The following NRXN3 variants were observed in gnomAD, a reference collection of about 807,000 sequenced individuals.
The protein encoded by NRXN3 is neurexin III.
In NRXN3, 32 loss-of-function variants were observed where a neutral mutation model predicts 137.6. The ratio of observed to expected loss-of-function variants is 0.23; its 90% CI spans 0.18 to 0.31. NRXN3 has a LOEUF of 0.31. Among genes scored for constraint, NRXN3 ranks in the 10% least tolerant of loss-of-function variants. The pLI is 1.00. For missense variants in NRXN3, 1,574 were observed against 2,062.5 expected (o/e 0.76, Z 4.59); for synonymous variants, 798 against 784.5 (o/e 1.02, Z -0.29).
At chr14:79,327,519 A>T (rs1030940458) in intron 15 of NRXN3, among the ~76,000 whole-genome samples, 1 of 152,068 alleles carries the variant, frequency 6.6e-6, no homozygotes, top group Non-Finnish European at 1.5e-5. Context: ...GAATTAGCAC[A>T]TTCCCCCACA....
Position 79,456,869 on chromosome 14 carries a change from T to G in NRXN3, c.3263-10352T>G, listed in dbSNP as rs190050768. ...CTAGGTATTTTAAAAATGATAAGAT[T>G]TTTCTCTCTGTGGCCAGATCTAAAT... On this transcript the variant is annotated intron_variant, in intron 15 of 20. Transcript: ENST00000335750. Among the ~76,000 whole-genome samples, 672 of 152,046 alleles carry G rather than the reference T, an allele frequency of 4.4e-3. 7 individuals carry two copies. Among genetic ancestry groups the G allele is most frequent in the African/African-American group, 0.015 (617 of 41,468 alleles).
intron 15 of NRXN3, among the ~76,000 whole-genome samples, chr14:79,320,602 T>G (rs945043360): frequency 6.6e-6 from 1 of 152,172 alleles, no homozygotes; most frequent in African/African-American, 2.4e-5. Context: ...GCCTGAAGCA[T>G]TTAAAGTGCA....
At chr14:78,575,875 C>G (rs2096931241) in intron 4 of NRXN3, among the ~76,000 whole-genome samples, 1 of 152,154 alleles carries the variant, frequency 6.6e-6, no homozygotes, top group Non-Finnish European at 1.5e-5. Context: ...GCCTCAAATT[C>G]TCCTACTGCA....
chr14:78,908,778 AT>A (rs1383637276), intron 10 of NRXN3, among the ~76,000 whole-genome samples: 4 of 151,894 alleles, frequency 2.6e-5, no homozygotes, highest in African/African-American at 7.2e-5. Flanking sequence ...CATCAAATTT[AT>A]GGTGAGGCTT....
chr14:78,958,910 A>G (rs1196380896), intron 11 of NRXN3, among the ~76,000 whole-genome samples: 6 of 152,228 alleles, frequency 3.9e-5, no homozygotes, highest in Non-Finnish European at 5.9e-5. Context: ...GACAGTCAGT[A>G]GCCCTGGGGG....
At chr14:79,821,449 A>T (rs1183078863) in intron 20 of NRXN3, among the ~76,000 whole-genome samples, 3 of 152,194 alleles carry the variant, frequency 2.0e-5, no homozygotes, top group African/African-American at 7.2e-5. Context: ...CAAATGAAAC[A>T]TTTTAAAAAC....
intron 15 of NRXN3, among the ~76,000 whole-genome samples, chr14:79,156,792 G>A (rs184195026): frequency 2.6e-5 from 4 of 151,932 alleles, no homozygotes; most frequent in Admixed American, 2.0e-4. Context: ...TACCATGCTA[G>A]TGTAATTAAT....
In NRXN3 at chr14:78,208,786, G is replaced by A. The variant is rs74063984; in HGVS notation, c.-703-33605G>A. ...TATGGCCGTGTGTGTACTGAGTGCC[G>A]GGTCCAACTCTCAGCACATGGTAAG... On this transcript the variant is annotated intron_variant, in intron 1 of 20. Coordinates refer to ENST00000335750, the MANE Select transcript of NRXN3 (RefSeq NM_001330195.2). Among the ~76,000 whole-genome samples the A allele has an allele frequency of 4.5e-3, 678 of 152,270 alleles. 3 individuals are homozygous for A. Among genetic ancestry groups the A allele is most frequent in the African/African-American group, 0.016 (657 of 41,538 alleles).
At chr14:79,377,027 T>C (rs1029712969) in intron 15 of NRXN3, among the ~76,000 whole-genome samples, 3 of 152,240 alleles carry the variant, frequency 2.0e-5, no homozygotes, top group Non-Finnish European at 4.4e-5. Context: ...GAATATTCCA[T>C]TGGCTGACTG....
chr14:78,993,102 T>C (rs1172199144), intron 15 of NRXN3, among the ~76,000 whole-genome samples: 2 of 152,164 alleles, frequency 1.3e-5, no homozygotes, highest in Non-Finnish European at 2.9e-5. Context: ...GTGCAGATAG[T>C]GGAGTGTAAA....
rs574679241 is a variant in NRXN3, at chr14:78,173,816, C to A, written c.-704+3142C>A. 3.4e-5 allele frequency among the ~76,000 whole-genome samples: 5 copies of A among 145,232 alleles called. No individual in the cohort carries two copies. In the East Asian group the frequency reaches 1.1e-3, roughly 31 times the overall value. ...CAAAGTCGGCACATCCACACACACA[C>A]TGGCATACGCTCTTGCACACACAGT... On this transcript the variant is annotated intron_variant, in intron 1 of 20. Transcript: ENST00000335750.
intron 5 of NRXN3, among the ~76,000 whole-genome samples, 155 bp from the exon 6 acceptor site, chr14:78,651,010 A>T (rs2097736580): frequency 6.6e-6 from 1 of 152,324 alleles, no homozygotes; most frequent in South Asian, 2.1e-4. Context: ...AGAAAATGGA[A>T]CTTGGCTGCA....
At chr14:78,309,098 C>T (rs1389909451) in intron 4 of NRXN3, among the ~76,000 whole-genome samples, 1 of 152,098 alleles carries the variant, frequency 6.6e-6, no homozygotes, top group Admixed American at 6.6e-5. Flanking sequence ...AACCTATTTG[C>T]GTATTGACTG....
chr14:78,644,061 A>C (rs1020292350), intron 4 of NRXN3, among the ~76,000 whole-genome samples: 1 of 151,330 alleles, frequency 6.6e-6, no homozygotes, highest in Non-Finnish European at 1.5e-5. Context: ...GAATCGCTTG[A>C]ACCCGGGAGG....
At chr14:79,575,042 A>C (rs1286132490) in intron 16 of NRXN3, among the ~76,000 whole-genome samples, 6 of 152,146 alleles carry the variant, frequency 3.9e-5, no homozygotes, top group Non-Finnish European at 8.8e-5. Flanking sequence ...CTTCTAATAA[A>C]AATTTGAGGA....
At position 79,239,693 on chromosome 14, in the gene NRXN3, T is replaced by C. The variant is rs184072407; in HGVS notation, c.3263-227528T>C. Among the ~76,000 whole-genome samples, 176 of 152,302 alleles carry C rather than the reference T, an allele frequency of 1.2e-3. 1 individual carries two copies. The highest frequency in any genetic ancestry group is 4.0e-3 in the African/African-American group (167 of 41,568). On this transcript the variant is annotated intron_variant, in intron 15 of 20. Transcript: ENST00000335750. ...TTGAAATCAGCGTGTCTAAATGATA[T>C]CTGCACTCTCATGTTCATTGCAGCA...
At chr14:78,946,610 C>G (rs1316633498) in intron 10 of NRXN3, among the ~76,000 whole-genome samples, 2 of 152,170 alleles carry the variant, frequency 1.3e-5, no homozygotes, top group Non-Finnish European at 2.9e-5. Flanking sequence ...TAATTTCACT[C>G]TCTTAGGTAA....
intron 11 of NRXN3, among the ~76,000 whole-genome samples, chr14:78,962,007 A>G (rs964009444): frequency 1.3e-5 from 2 of 152,232 alleles, no homozygotes; most frequent in Non-Finnish European, 2.9e-5. Flanking sequence ...ATACTGGGCC[A>G]TAGGGAAGAA....
chr14:78,629,304 G>A (rs1416022463), intron 4 of NRXN3, among the ~76,000 whole-genome samples: 1 of 152,172 alleles, frequency 6.6e-6, no homozygotes, highest in East Asian at 1.9e-4. Context: ...CTTCTATGAT[G>A]TCTTCTTACT....
Sources: allele counts gnomAD v4.1 joint callset (sites outside exome capture counted in the v4.1 genomes callset), GRCh38; gene constraint gnomAD v4.1.1; transcripts MANE v1.5; gene names NCBI Gene and HGNC (gene_info 2026-07-23, HGNC 2026-07-21).